EGFLAM: variants seen among roughly 807,000 people sequenced by gnomAD.
EGFLAM encodes pikachurin.
EGFLAM carries 79 observed loss-of-function variants against 113.1 expected under a neutral mutation model. The observed-to-expected ratio is 0.70, with a 90% CI of 0.58 to 0.84. EGFLAM has a LOEUF of 0.84. EGFLAM is among the 40% of genes least tolerant of loss of function. EGFLAM has a pLI of 0.00. For synonymous variants in EGFLAM, 504 were observed against 487.6 expected, an observed-to-expected ratio of 1.03 and a Z score of -0.44; for missense variants, 1,265 against 1,291.6, an observed-to-expected ratio of 0.98 and a Z score of 0.32.
intron 15 of EGFLAM, 134 bp downstream of exon 15, chr5:38,431,422 C>T (rs893106166): frequency 2.6e-6 from 2 of 769,146 alleles, no homozygotes; most frequent in Non-Finnish European, 2.1e-6. Context: ...AATCCCAGCT[C>T]CCCACTGGGC....
chr5:38,463,253 T>G (rs1354852024), intron 21 of EGFLAM, among the ~76,000 whole-genome samples: 1 of 152,198 alleles, frequency 6.6e-6, no homozygotes, highest in Non-Finnish European at 1.5e-5. Context: ...TTTTCTTGTT[T>G]ATAGAACAGG....
In EGFLAM at chr5:38,448,335, C is replaced by T. The variant is rs751784082; in HGVS notation, c.2499C>T (p.Ile833=). 84 of 1,614,052 alleles carry T rather than the reference C, an allele frequency of 5.2e-5. 2 individuals are homozygous for T. In the South Asian group the frequency reaches 8.5e-4, roughly 16 times the overall value. The change falls in exon 18 of 22, where the codon ATC becomes ATT. Residue 833 remains isoleucine, a synonymous_variant. Transcript: ENST00000322350. ...AAGCCATTGAGATCCCGCAGTTTAT[C>T]GGCCGCAGTTACCTGACGTATGACA... ...IIEAIEIPQF[I]GRSYLTYDNP... is the part of the protein sequence containing the mutation.
intron 3 of EGFLAM, among the ~76,000 whole-genome samples, chr5:38,349,790 C>CACACACACACACAT (rs1739568794): frequency 6.6e-6 from 1 of 151,548 alleles, no homozygotes; most frequent in African/African-American, 2.4e-5. Context: ...CACACACACA[C>CACACACACACACAT]ACACACACAC....
At chr5:38,404,884 T>G (rs1741230825) in intron 6 of EGFLAM, among the ~76,000 whole-genome samples, 1 of 152,178 alleles carries the variant, frequency 6.6e-6, no homozygotes, top group Non-Finnish European at 1.5e-5. Flanking sequence ...GTGGAGTGTT[T>G]CCCATGTGCA....
intron 13 of EGFLAM, among the ~76,000 whole-genome samples, chr5:38,425,893 C>A (rs1051572737): frequency 2.0e-5 from 3 of 152,052 alleles, no homozygotes; most frequent in Admixed American, 1.3e-4. Flanking sequence ...TCTGGGAGGC[C>A]GAGGTGGGCG....
chr5:38,370,060 C>CT (rs1431128212), intron 5 of EGFLAM, among the ~76,000 whole-genome samples: 1 of 152,164 alleles, frequency 6.6e-6, no homozygotes, highest in African/African-American at 2.4e-5. Context: ...AACGGATTGT[C>CT]TTTAAGTAGT....
Position 38,302,564 on chromosome 5 carries a change from G to T in EGFLAM, c.98-34956G>T, listed in dbSNP as rs548628871. 5.9e-5 allele frequency among the ~76,000 whole-genome samples: 9 copies of T among 152,114 alleles called. No homozygotes were observed. The East Asian group carries it at 1.7e-3, about 29-fold the overall frequency. ...GTCAGTAAATTAGCAAGAGGAGAAG[G>T]GTTTCCTTTCTAAAATATAATTAAC... On this transcript the variant is annotated intron_variant, in intron 1 of 21. Transcript: ENST00000322350.
intron 5 of EGFLAM, among the ~76,000 whole-genome samples, chr5:38,360,216 G>A (rs544582974): frequency 2.0e-5 from 3 of 152,328 alleles, no homozygotes; most frequent in Admixed American, 2.0e-4. Context: ...TGTTCTAAGA[G>A]ATGATGTGAT....
intron 6 of EGFLAM, among the ~76,000 whole-genome samples, chr5:38,401,560 C>A (rs958182849): frequency 2.0e-5 from 3 of 151,970 alleles, no homozygotes; most frequent in African/African-American, 7.3e-5. Context: ...GGATTGGTGG[C>A]AGTTTTCGGG....
In EGFLAM at chr5:38,407,857, A is replaced by G; in HGVS notation, c.1200A>G (p.Glu400=). 6.2e-7 allele frequency: 1 copy of G among 1,613,896 alleles called. No homozygotes were observed. Among genetic ancestry groups the G allele is most frequent in the Non-Finnish European group, 8.5e-7 (1 of 1,179,838 alleles). ...QFFGHSYVTF[E]PLKNSYQAFQ... ...TTGGCCACTCCTATGTAACGTTTGA[A>G]CCTCTGAAGAATTCTTATCAGGCAT... The change falls in exon 9 of 22, where the codon GAA becomes GAG. Residue 400 remains glutamate (E), a synonymous_variant. Coordinates refer to ENST00000322350, the MANE Select transcript of EGFLAM (RefSeq NM_152403.4).
intron 12 of EGFLAM, among the ~76,000 whole-genome samples, chr5:38,418,612 C>T (rs1741730616): frequency 6.6e-6 from 1 of 152,224 alleles, no homozygotes; most frequent in South Asian, 2.1e-4. Context: ...AGAACCAACA[C>T]AGTAATGTAA....
chr5:38,360,578 G>A (rs1465745200), intron 5 of EGFLAM, among the ~76,000 whole-genome samples: 1 of 152,160 alleles, frequency 6.6e-6, no homozygotes, highest in Non-Finnish European at 1.5e-5. Context: ...TCTAAGCTGT[G>A]TGATCTTTGG....
At chr5:38,309,036 A>G (rs1758798993) in intron 1 of EGFLAM, among the ~76,000 whole-genome samples, 2 of 152,254 alleles carry the variant, frequency 1.3e-5, no homozygotes, top group African/African-American at 4.8e-5. Context: ...GGGATTTTGC[A>G]AACCAGCTGC....
At chr5:38,450,534 G>A (rs1163418823) in intron 18 of EGFLAM, among the ~76,000 whole-genome samples, 2 of 152,216 alleles carry the variant, frequency 1.3e-5, no homozygotes, top group African/African-American at 4.8e-5. Context: ...TAGTAGCAAT[G>A]TTAAATTATG....
intron 15 of EGFLAM, 21 bp downstream of exon 15, chr5:38,431,309 C>G (rs1177565199): frequency 6.2e-7 from 1 of 1,608,778 alleles, no homozygotes; most frequent in South Asian, 1.1e-5. Context: ...TACACCTTTT[C>G]TCTTGATGGT....
chr5:38,428,032 G>A (rs1474565806), intron 14 of EGFLAM, among the ~76,000 whole-genome samples: 4 of 152,162 alleles, frequency 2.6e-5, no homozygotes, highest in Admixed American at 6.5e-5. Context: ...GTTGATGGTA[G>A]TTTTAACCTT....
At chr5:38,281,993 C>T (rs1364599681) in intron 1 of EGFLAM, among the ~76,000 whole-genome samples, 2 of 152,136 alleles carry the variant, frequency 1.3e-5, no homozygotes, top group African/African-American at 4.8e-5. Flanking sequence ...CCCAAACTAA[C>T]CTCATATTAC....
intron 1 of EGFLAM, among the ~76,000 whole-genome samples, chr5:38,260,499 G>C (rs1002823181): frequency 2.6e-5 from 4 of 151,896 alleles, no homozygotes; most frequent in Non-Finnish European, 4.4e-5. Context: ...TTTCTACCTG[G>C]TTCATTCAGG....
rs112254451 is a variant in EGFLAM, at chr5:38,429,553, C to T, written c.2055-1624C>T. ...GCAATAATGAGTCTCTTTCTGCACA[C>T]CTCACTATAAAACGTAATGAGTAAA... On this transcript the variant is annotated intron_variant, in intron 14 of 21. Coordinates refer to ENST00000322350, the MANE Select transcript of EGFLAM (RefSeq NM_152403.4). Among the ~76,000 whole-genome samples the T allele has an allele frequency of 7.5e-3, 1,136 of 152,326 alleles. 5 individuals carry two copies. The highest frequency in any genetic ancestry group is 0.012 in the Non-Finnish European group (790 of 68,040).
Sources: gnomAD v4.1 joint callset for allele counts (sites outside exome capture counted in the v4.1 genomes callset) on GRCh38, gnomAD v4.1.1 for gene constraint, MANE v1.5 for transcripts, NCBI Gene and HGNC (gene_info 2026-07-23, HGNC 2026-07-21) for gene names.